Variants in KDM6A observed in about 807,000 individuals in gnomAD.
KDM6A encodes lysine demethylase 6A.
A neutral mutation model predicts 117.6 loss-of-function variants in KDM6A; 11 were observed. The ratio of observed to expected loss-of-function variants is 0.09; its 90% CI spans 0.06 to 0.15. The LOEUF (loss-of-function observed/expected upper bound fraction) is 0.15, where lower values mean the gene tolerates loss of function less well. Among genes scored for constraint, KDM6A ranks in the 10% least tolerant of loss-of-function variants. The probability of loss-of-function intolerance (pLI) is 1.00; values close to 1 mark genes in which losing one functional copy is unlikely to be tolerated. For synonymous variants in KDM6A, 384 were observed against 396.1 expected (o/e 0.97, Z 0.36); for missense variants, 799 against 1,077.3 (o/e 0.74, Z 3.62).
intron 2 of KDM6A, among the ~76,000 whole-genome samples, chrX:44,944,458 CCTG>C (rs1230976768): frequency 8.9e-6 from 1 of 111,850 alleles, no homozygotes; most frequent in East Asian, 2.8e-4. Flanking sequence ...ACAAAAAAAT[CCTG>C]CTGGAATTTT....
At chrX:45,027,263 G>A (rs1404156302) in intron 6 of KDM6A, among the ~76,000 whole-genome samples, 1 of 108,675 alleles carries the variant, frequency 9.2e-6, no homozygotes, top group Non-Finnish European at 1.9e-5. Context: ...ATCACCTGAA[G>A]TTAGAAGTTT....
At position 44,926,493 on chromosome X, in the gene KDM6A, C is replaced by G. The variant is rs151235434; in HGVS notation, c.226-34791C>G. The stretch of plus-strand genomic sequence containing the variant: ...CTACTGATTCCTCTTGATGGCTGTT[C>G]AGGCTCCTTTCAGTCTTCTGTTAGT... On this transcript the variant is annotated intron_variant, in intron 2 of 29. Transcript: ENST00000611820. 5.9e-3 allele frequency among the ~76,000 whole-genome samples: 656 copies of G among 111,555 alleles called. 5 individuals are homozygous for G. Among genetic ancestry groups the G allele is most frequent in the African/African-American group, 0.02 (616 of 30,676 alleles).
chrX:45,001,107 T>TTTTGGAAGGA (rs2041125259), intron 4 of KDM6A, among the ~76,000 whole-genome samples: 1 of 111,717 alleles, frequency 9.0e-6, no homozygotes, highest in Non-Finnish European at 1.9e-5. Flanking sequence ...TTGTGAGAGG[T>TTTTGGAAGGA]TTTGGAAGGA....
chrX:44,914,842 C>T (rs755516062), intron 2 of KDM6A, among the ~76,000 whole-genome samples: 2 of 110,954 alleles, frequency 1.8e-5, no homozygotes, highest in Non-Finnish European at 3.8e-5. Flanking sequence ...GAGCATAATA[C>T]TGGATACTCT....
chrX:44,965,268 GTTTTTGCT>G, intron 3 of KDM6A, among the ~76,000 whole-genome samples: 1 of 111,857 alleles, frequency 8.9e-6, no homozygotes, highest in Non-Finnish European at 1.9e-5. Context: ...CAGTAAGGCT[GTTTTTGCT>G]TCCTTGTCTT....
In KDM6A at chrX:45,111,469, C is replaced by G; in HGVS notation, c.*58C>G. The G allele has an allele frequency of 1.0e-6, 1 of 976,381 alleles. No individual in the cohort carries two copies. Among genetic ancestry groups the G allele is most frequent in the Non-Finnish European group, 1.5e-6 (1 of 682,391 alleles). 80.5% of individuals were successfully genotyped at this position (976,381 alleles called of 1,213,427 possible). ...CTGCTATTCAGGAAATAACCCAGTTCTGCACCACTGGTTTTTGTAGCTATC... is the reference window on the plus strand; with the variant it reads ...CTGCTATTCAGGAAATAACCCAGTTGTGCACCACTGGTTTTTGTAGCTATC... On this transcript the variant is annotated 3_prime_UTR_variant, in exon 30 of 30. Coordinates refer to ENST00000611820, the MANE Select transcript of KDM6A (RefSeq NM_001291415.2).
chrX:45,073,866 C>T (rs1003783883), intron 18 of KDM6A, among the ~76,000 whole-genome samples: 8 of 111,856 alleles, frequency 7.2e-5, no homozygotes, highest in Non-Finnish European at 1.5e-4. Context: ...TGTGCAGAAG[C>T]TCTTTAGTTT....
intron 4 of KDM6A, among the ~76,000 whole-genome samples, chrX:44,975,492 A>G (rs901077972): frequency 9.0e-6 from 1 of 111,081 alleles, no homozygotes; most frequent in Non-Finnish European, 1.9e-5. Flanking sequence ...GGTTTTAGAC[A>G]TATATGTATA....
intron 4 of KDM6A, among the ~76,000 whole-genome samples, chrX:44,979,260 C>T (rs2039765734): frequency 9.0e-6 from 1 of 111,553 alleles, no homozygotes. Context: ...CCCATCTGCC[C>T]ATTCTTGTTT....
At chrX:45,062,621 A>G (rs2044349564) in intron 15 of KDM6A, 26 bp from the exon 16 acceptor site, 2 of 1,052,970 alleles carry the variant, frequency 1.9e-6, no homozygotes, top group Non-Finnish European at 2.7e-6. Flanking sequence ...ATCTTTGACT[A>G]TATTCTCTTT....
At chrX:45,007,622 T>C (rs1194912226) in intron 4 of KDM6A, among the ~76,000 whole-genome samples, 1 of 112,117 alleles carries the variant, frequency 8.9e-6, no homozygotes, top group East Asian at 2.8e-4. Flanking sequence ...GATTAGTAAA[T>C]CTTTGGGCAT....
intron 3 of KDM6A, among the ~76,000 whole-genome samples, chrX:44,962,368 A>G (rs1159002157): frequency 1.8e-5 from 2 of 111,694 alleles, no homozygotes; most frequent in East Asian, 2.8e-4. Flanking sequence ...TTAACAGATT[A>G]TATATAAACA....
At chrX:45,092,811 C>A (rs905868755) in intron 27 of KDM6A, among the ~76,000 whole-genome samples, 6 of 111,266 alleles carry the variant, frequency 5.4e-5, no homozygotes, top group Admixed American at 9.6e-5. Flanking sequence ...GAGATGAAAT[C>A]AACTACACAA....
At chrX:44,926,324 C>T (rs1027795702) in intron 2 of KDM6A, among the ~76,000 whole-genome samples, 3 of 111,393 alleles carry the variant, frequency 2.7e-5, no homozygotes, top group Non-Finnish European at 3.8e-5. Flanking sequence ...ATGTTCGCCT[C>T]GGCCTCCCGA....
intron 8 of KDM6A, among the ~76,000 whole-genome samples, chrX:45,048,159 C>CA (rs571121737): frequency 0.12 from 4,191 of 33,920 alleles, 319 homozygotes; most frequent in African/African-American, 0.21. Context: ...AAGTGCGTCT[C>CA]AAAAAAAAAA....
chrX:45,058,087 C>CCCT (rs1491300414), intron 10 of KDM6A, among the ~76,000 whole-genome samples: 9 of 50,129 alleles, frequency 1.8e-4, no homozygotes, highest in African/African-American at 6.9e-4. Context: ...CCCCCCCCCC[C>CCCT]TTTTTTTTTT....
At chrX:45,087,700 A>G (rs187430867) in intron 25 of KDM6A, among the ~76,000 whole-genome samples, 13 of 112,045 alleles carry the variant, frequency 1.2e-4, no homozygotes, top group African/African-American at 4.2e-4. Flanking sequence ...CTGAGTAGGG[A>G]CTGGCTATTT....
At chrX:44,990,532 G>A (rs1216280297) in intron 4 of KDM6A, among the ~76,000 whole-genome samples, 2 of 99,648 alleles carry the variant, frequency 2.0e-5, no homozygotes, top group East Asian at 3.1e-4. Context: ...CTTGGGCAAC[G>A]AGCGAAACTG....
chrX:44,975,490 A>T (rs1042254335), intron 4 of KDM6A, among the ~76,000 whole-genome samples: 1 of 111,093 alleles, frequency 9.0e-6, no homozygotes, highest in Non-Finnish European at 1.9e-5. Flanking sequence ...GAGGTTTTAG[A>T]CATATATGTA....
Sources: gnomAD v4.1 joint callset for allele counts (sites outside exome capture counted in the v4.1 genomes callset) on GRCh38, gnomAD v4.1.1 for gene constraint, MANE v1.5 for transcripts, NCBI Gene and HGNC (gene_info 2026-07-23, HGNC 2026-07-21) for gene names.